Variants in CANX observed in about 807,000 individuals in gnomAD.
CANX encodes epididymis secretory sperm binding protein.
In CANX, 14 loss-of-function variants were observed where a neutral mutation model predicts 75.7. The observed-to-expected ratio is 0.19, with a 90% confidence interval of 0.12 to 0.29. The LOEUF (loss-of-function observed/expected upper bound fraction) is 0.29, where lower values mean the gene tolerates loss of function less well. CANX is among the 10% of genes least tolerant of loss of function. CANX has a pLI of 1.00. For missense variants in CANX, 567 were observed against 713.2 expected, an observed-to-expected ratio of 0.79 and a Z score of 2.34; for synonymous variants, 227 against 236.9, an observed-to-expected ratio of 0.96 and a Z score of 0.38.
chr5:179,698,596 C>A (rs1421975725), upstream of CANX: 2 of 1,288,938 alleles, frequency 1.6e-6, no homozygotes, highest in Non-Finnish European at 2.0e-6. Context: ...GCTCCAGGAA[C>A]CAGACGGGTG....
intron 1 of CANX, among the ~76,000 whole-genome samples, chr5:179,689,379 GTTTT>G (rs958473912): frequency 2.4e-5 from 2 of 83,676 alleles, no homozygotes; most frequent in Non-Finnish European, 4.4e-5. Flanking sequence ...AACCCAACAA[GTTTT>G]TTTTTTTTTT....
At chr5:179,693,143 C>T (rs1336821155) in intron 1 of CANX, among the ~76,000 whole-genome samples, 2 of 52,584 alleles carry the variant, frequency 3.8e-5, no homozygotes, top group Non-Finnish European at 9.2e-5. Context: ...GAAACTCCGT[C>T]TCAAAAAAAA....
chr5:179,698,334 T>C (rs1329840186), upstream of CANX: 2 of 978,232 alleles, frequency 2.0e-6, no homozygotes, highest in African/African-American at 1.7e-5. Context: ...CTGTGTGTTA[T>C]GCTGGGCGAC....
chr5:179,727,998 T>G (rs2059622231), intron 14 of CANX, among the ~76,000 whole-genome samples: 1 of 152,232 alleles, frequency 6.6e-6, no homozygotes, highest in African/African-American at 2.4e-5. Flanking sequence ...TTAATAAAGA[T>G]CATTGCTATC....
upstream of CANX, among the ~76,000 whole-genome samples, chr5:179,695,390 C>T (rs1468321007): frequency 4.6e-5 from 7 of 151,764 alleles, no homozygotes; most frequent in Non-Finnish European, 7.4e-5. Flanking sequence ...AGTGCAATGG[C>T]GCAATCTCAG....
chr5:179,707,268 G>C (rs577613536), intron 4 of CANX, 78 bp downstream of exon 4: 1 of 854,852 alleles, frequency 1.2e-6, no homozygotes, highest in Admixed American at 1.7e-5. Context: ...CCTAAGACTA[G>C]TTTAAAAGGA....
chr5:179,726,635 C>T, intron 13 of CANX, 45 bp from the exon 14 acceptor site: 1 of 1,345,870 alleles, frequency 7.4e-7, no homozygotes. Context: ...TATATAATCA[C>T]CAAAAATAAT....
At chr5:179,681,769 A>G (rs1330354521) in intron 1 of CANX, among the ~76,000 whole-genome samples, 1 of 152,048 alleles carries the variant, frequency 6.6e-6, no homozygotes, top group Non-Finnish European at 1.5e-5. Context: ...ACTAGCCAAC[A>G]TGGCAAGACC....
At position 179,716,158 on chromosome 5, in the gene CANX, A is replaced by C. The variant is rs765401038; in HGVS notation, c.775A>C (p.Ser259Arg). The change falls in exon 8 of 15, where the codon AGT becomes CGT. Residue 259 changes from serine (S) to arginine (R), a missense_variant. Ser to Arg is a moderately radical substitution (Grantham distance 110, BLOSUM62 -1). This residue lies in a region of CANX where 351 missense variants were observed against 433.8 expected (regional missense o/e 0.81). Transcript: ENST00000247461. ...ACTGGTTGACCAATCTGTGGTGAAT[A>C]GTGGAAATCTGCTCAATGACATGAC... is the stretch of plus-strand genomic sequence containing the variant. ...EILVDQSVVN[S>R]GNLLNDMTPP... The C allele has an allele frequency of 1.2e-6, 2 of 1,613,100 alleles. No homozygotes were observed. The highest frequency in any genetic ancestry group is 3.3e-5 in the Admixed American group (2 of 60,020).
Position 179,708,247 on chromosome 5 carries a change from G to A in CANX, c.313G>A (p.Glu105Lys). 1 of 1,613,594 alleles carries A rather than the reference G, an allele frequency of 6.2e-7. No homozygotes were observed. Among genetic ancestry groups the A allele is most frequent in the Non-Finnish European group, 8.5e-7 (1 of 1,179,574 alleles). Residue 105 changes from glutamate to lysine, a missense_variant, in exon 5 of 15, where the codon GAG (glutamate) becomes AAG (lysine). Transcript: ENST00000247461. ...TTTGTGTTGTCTTGTAGGAAAGTGG[G>A]AGGTAGAGGAAATGAAGGAGTCAAA... ...DEIAKYDGKWEVEEMKESKLP... is the reference protein window; with the variant it reads ...DEIAKYDGKWKVEEMKESKLP...
intron 10 of CANX, among the ~76,000 whole-genome samples, chr5:179,722,319 A>G (rs753314199): frequency 1.3e-5 from 2 of 152,216 alleles, no homozygotes; most frequent in Non-Finnish European, 2.9e-5. Flanking sequence ...GTTGGTGGCC[A>G]TTTAGGTGGA....
intron 1 of CANX, among the ~76,000 whole-genome samples, chr5:179,685,989 C>A (rs1776183740): frequency 6.6e-6 from 1 of 152,094 alleles, no homozygotes; most frequent in South Asian, 2.1e-4. Context: ...TCGTGCCCAG[C>A]CTCATCCTTA....
chr5:179,696,991 G>A (rs1159784458), upstream of CANX, among the ~76,000 whole-genome samples: 8 of 152,168 alleles, frequency 5.3e-5, no homozygotes, highest in Non-Finnish European at 1.2e-4. Flanking sequence ...GGTGATCCAG[G>A]TTGATGTTAC....
upstream of CANX, among the ~76,000 whole-genome samples, chr5:179,698,110 C>G (rs546886131): frequency 6.6e-6 from 1 of 152,186 alleles, no homozygotes; most frequent in Non-Finnish European, 1.5e-5. Flanking sequence ...TAGAAAAACC[C>G]TGGGCCACTT....
chr5:179,719,822 T>A, intron 9 of CANX, 41 bp downstream of exon 9: 1 of 1,151,836 alleles, frequency 8.7e-7, no homozygotes, highest in Non-Finnish European at 1.3e-6. Flanking sequence ...CCTGGTTTTT[T>A]TGTTTGTTTT....
exon 1 of CANX, chr5:179,678,693 C>T (rs1349188129): frequency 6.5e-7 from 1 of 1,536,820 alleles, no homozygotes. Flanking sequence ...GGGATCACCT[C>T]GGGGTTGCGC....
At chr5:179,711,391 T>C (rs1777541860) in intron 7 of CANX, among the ~76,000 whole-genome samples, 1 of 151,442 alleles carries the variant, frequency 6.6e-6, no homozygotes, top group Non-Finnish European at 1.5e-5. Flanking sequence ...CACTGCACTG[T>C]AGCCTGGGTG....
At chr5:179,700,670 C>T (rs1037807764) in intron 1 of CANX, 2 of 153,432 alleles carry the variant, frequency 1.3e-5, no homozygotes, top group African/African-American at 4.8e-5. Context: ...GTTCATTTAG[C>T]GCATTATCTT....
chr5:179,720,300 C>T (rs1425149807), intron 9 of CANX, 104 bp from the exon 10 acceptor site: 2 of 729,018 alleles, frequency 2.7e-6, no homozygotes, highest in East Asian at 5.3e-5. Context: ...GTCTGGGATA[C>T]TGTGAAAACA....
Sources: allele counts gnomAD v4.1 joint callset (sites outside exome capture counted in the v4.1 genomes callset), GRCh38; gene constraint gnomAD v4.1.1; regional missense constraint gnomAD v4.1.1; transcripts MANE v1.5; gene names NCBI Gene and HGNC (gene_info 2026-07-23, HGNC 2026-07-21).